Variants in WSB1 observed in about 807,000 individuals in gnomAD.
The protein encoded by WSB1 is WD repeat and SOCS box-containing protein 1.
In WSB1, 23 loss-of-function variants were observed where a neutral mutation model predicts 50.2. The observed-to-expected ratio is 0.46, with a 90% confidence interval of 0.33 to 0.65. The LOEUF is 0.65. WSB1 is among the 30% of genes least tolerant of loss of function. The pLI is 0.02. For missense variants in WSB1, 492 were observed against 522.3 expected (o/e 0.94, Z 0.56); for synonymous variants, 179 against 172.0 (o/e 1.04, Z -0.32).
rs2017750781 is a variant in WSB1 at position 27,313,068 on chromosome 17, A to G, written c.*699A>G. The G allele has an allele frequency of 6.6e-6, 1 of 152,450 alleles. No homozygotes were observed. The highest frequency in any genetic ancestry group is 1.5e-5 in the Non-Finnish European group (1 of 68,062). 9.4% of individuals were successfully genotyped at this position (152,450 alleles called of 1,614,324 possible). A position where few individuals can be genotyped will look rare whatever the true frequency, so the allele number is the denominator to read the frequency against. On this transcript the variant is annotated 3_prime_UTR_variant, in exon 9 of 9. Coordinates refer to ENST00000262394, the MANE Select transcript of WSB1 (RefSeq NM_015626.10). ...AAAAAAAAAAAAATTGTGTTGCCTC[A>G]TACGAAATGTATTTGGTTTTGTTGG...
rs1270679255 is a variant in WSB1 at position 27,294,213 on chromosome 17, G to T, written c.-183G>T. ...TGTCTGTGGTTGACTCCGTACTTTG[G>T]TCTGAGGCCTTCGGGAGCTTTCCCG... On this transcript the variant is annotated 5_prime_UTR_variant, in exon 1 of 9. Coordinates refer to ENST00000262394, the MANE Select transcript of WSB1 (RefSeq NM_015626.10). 9 of 690,524 alleles carry T rather than the reference G, an allele frequency of 1.3e-5. No homozygotes were observed. Among genetic ancestry groups the T allele is most frequent in the Non-Finnish European group, 2.2e-5 (9 of 416,174 alleles). The allele number at this position is 690,524 out of a possible 1,614,324, so 42.8% of individuals were successfully genotyped here.
rs1269763216 is a variant in WSB1 at position 27,314,426 on chromosome 17, A to C, written c.*2057A>C. ...CCCTGTCTCTACTAAAATTACAAAA[A>C]TTAGCTGGGCATGGTGGTGGGTTCC... On this transcript the variant is annotated 3_prime_UTR_variant, in exon 9 of 9. Coordinates refer to ENST00000262394, the MANE Select transcript of WSB1 (RefSeq NM_015626.10). The C allele has an allele frequency of 6.6e-6, 1 of 152,016 alleles. No homozygotes were observed. Among genetic ancestry groups the C allele is most frequent in the Non-Finnish European group, 1.5e-5 (1 of 68,022 alleles). 9.4% of individuals were successfully genotyped at this position (152,016 alleles called of 1,614,324 possible). A position where few individuals can be genotyped will look rare whatever the true frequency, so the allele number is the denominator to read the frequency against.
At chr17:27,307,605 G>T in intron 5 of WSB1, 2 of 801,274 alleles carry the variant, frequency 2.5e-6, no homozygotes, top group Non-Finnish European at 3.8e-6. Context: ...ATGTTAAAAT[G>T]ATAGTTATAA....
intron 1 of WSB1, among the ~76,000 whole-genome samples, chr17:27,300,662 A>C (rs2017187082): frequency 6.6e-6 from 1 of 151,704 alleles, no homozygotes; most frequent in Admixed American, 6.6e-5. Context: ...CCAGTATTTG[A>C]GAATCACAAA....
At chr17:27,303,229 A>G (rs1410067146) in intron 2 of WSB1, 138 bp from the exon 3 acceptor site, 9 of 957,720 alleles carry the variant, frequency 9.4e-6, no homozygotes, top group Middle Eastern at 2.4e-4. Flanking sequence ...TTCCCTTCCT[A>G]TCTATAGGAT....
chr17:27,301,260 GTGACCTGGGCC>G (rs1204845935), intron 1 of WSB1, among the ~76,000 whole-genome samples: 1 of 152,072 alleles, frequency 6.6e-6, no homozygotes, highest in Non-Finnish European at 1.5e-5. Context: ...TGTGATTTTT[GTGACCTGGGCC>G]TGAAAAGGGT....
At chr17:27,300,222 T>C (rs1022025090) in intron 1 of WSB1, among the ~76,000 whole-genome samples, 2 of 151,846 alleles carry the variant, frequency 1.3e-5, no homozygotes, top group Non-Finnish European at 2.9e-5. Flanking sequence ...GGGGTTCTTA[T>C]GTGAACAGCA....
rs2017476964 is a variant in WSB1 at position 27,306,762 on chromosome 17, G to A, written c.611-20G>A. 6.2e-7 allele frequency: 1 copy of A among 1,611,956 alleles called. No homozygotes were observed. The highest frequency in any genetic ancestry group is 1.6e-4 in the Middle Eastern group (1 of 6,084). Reference sequence around the variant, plus strand: ...TGAAGTGGATTCTAGGGTTAATACAGATTATTTCTTTTTGTTCAGGAAACA... The same window carrying A: ...TGAAGTGGATTCTAGGGTTAATACAAATTATTTCTTTTTGTTCAGGAAACA... On this transcript the variant is annotated intron_variant, in intron 4 of 8. Coordinates refer to ENST00000262394, the MANE Select transcript of WSB1 (RefSeq NM_015626.10).
rs142949229 is a variant in WSB1 at position 27,311,633 on chromosome 17, C to CT, written c.1106+43dup. 0.076 allele frequency: 37,246 copies of CT among 487,334 alleles called. 425 individuals carry two copies. The highest frequency in any genetic ancestry group is 0.11 in the African/African-American group (2,914 of 26,492). The allele number at this position is 487,334 out of a possible 1,614,324, so 30.2% of individuals were successfully genotyped here. A position where few individuals can be genotyped will look rare whatever the true frequency, so the allele number is the denominator to read the frequency against. On this transcript the variant is annotated intron_variant, in intron 8 of 8. Coordinates refer to ENST00000262394, the MANE Select transcript of WSB1 (RefSeq NM_015626.10). ...AGCTGCTGGGTAAATATATTTTTCT[C>CT]TTTTTTTTTTTTTTTTTTTTTTTTT...
At chr17:27,302,850 CCT>C (rs927952357) in intron 2 of WSB1, 2 of 152,536 alleles carry the variant, frequency 1.3e-5, no homozygotes, top group African/African-American at 4.8e-5. Context: ...TGGATCTTTC[CCT>C]GTTTTTTTTG....
intron 8 of WSB1, 143 bp from the exon 9 acceptor site, chr17:27,312,067 A>C: frequency 1.0e-6 from 1 of 975,130 alleles, no homozygotes; most frequent in East Asian, 2.5e-5. Context: ...GGAATACATC[A>C]TTGGTTAGTT....
Position 27,306,845 on chromosome 17 carries a change from ACT to A in WSB1, c.677_678del (p.Ser226PhefsTer10). ...GTGTACAGCTGTGCATTCTCTCCTG[ACT>A]CTTCTATGCTGTGTTCAGTCGGAGC... On this transcript the variant is annotated frameshift_variant, in exon 5 of 9. Transcript: ENST00000262394. LOFTEE classifies it high-confidence loss of function. The A allele has an allele frequency of 1.2e-6, 2 of 1,613,946 alleles. No homozygotes were observed. Among genetic ancestry groups the A allele is most frequent in the Non-Finnish European group, 1.7e-6 (2 of 1,180,004 alleles).
Position 27,313,569 on chromosome 17 carries a change from G to A in WSB1, c.*1200G>A, listed in dbSNP as rs1461919449. On this transcript the variant is annotated 3_prime_UTR_variant, in exon 9 of 9. Coordinates refer to ENST00000262394, the MANE Select transcript of WSB1 (RefSeq NM_015626.10). ...CAGATATTAAGAATGTATGCATTAT[G>A]TAAAATGCTCAATTATATATTTTTG... The A allele has an allele frequency of 6.6e-6, 1 of 151,922 alleles. No homozygotes were observed. The highest frequency in any genetic ancestry group is 2.4e-5 in the African/African-American group (1 of 41,208). The allele number at this position is 151,922 out of a possible 1,614,324, so 9.4% of individuals were successfully genotyped here.
At chr17:27,299,999 A>G (rs1266697841) in intron 1 of WSB1, among the ~76,000 whole-genome samples, 1 of 152,136 alleles carries the variant, frequency 6.6e-6, no homozygotes, top group African/African-American at 2.4e-5. Context: ...CCTATTTGTT[A>G]AGGTGTCAAG....
Position 27,311,530 on chromosome 17 carries a change from T to C in WSB1, c.1020T>C (p.Ile340=), listed in dbSNP as rs2017677388. 1 of 1,605,222 alleles carries C rather than the reference T, an allele frequency of 6.2e-7. No individual in the cohort carries two copies. The highest frequency in any genetic ancestry group is 8.5e-7 in the Non-Finnish European group (1 of 1,177,316). The change falls in exon 8 of 9, where the codon ATT becomes ATC. Residue 340 remains isoleucine, a synonymous_variant. Coordinates refer to ENST00000262394, the MANE Select transcript of WSB1 (RefSeq NM_015626.10). ...TCAGAATGGTGAGGTTCTGGAGAAT[T>C]GATGAGGATTATCCAGTGCAAGTTG... is the stretch of plus-strand genomic sequence containing the variant. ...ADDKMVRFWR[I]DEDYPVQVAP...
In WSB1 at chr17:27,314,998, A is replaced by C. The variant is rs941100252; in HGVS notation, c.*2629A>C. On this transcript the variant is annotated 3_prime_UTR_variant, in exon 9 of 9. Coordinates refer to ENST00000262394, the MANE Select transcript of WSB1 (RefSeq NM_015626.10). The stretch of plus-strand genomic sequence containing the variant: ...GCATTTTTGGAAGCTACATTCTGTG[A>C]GATGTTCACCTGTTTGCCACCTCTT... The C allele has an allele frequency of 1.3e-5, 2 of 152,198 alleles. No individual in the cohort carries two copies. The highest frequency in any genetic ancestry group is 1.3e-4 in the Admixed American group (2 of 15,270). The allele number at this position is 152,198 out of a possible 1,614,324, so 9.4% of individuals were successfully genotyped here. A position where few individuals can be genotyped will look rare whatever the true frequency, so the allele number is the denominator to read the frequency against.
At chr17:27,295,123 G>T (rs1220329767) in intron 1 of WSB1, among the ~76,000 whole-genome samples, 1 of 152,162 alleles carries the variant, frequency 6.6e-6, no homozygotes, top group African/African-American at 2.4e-5. Flanking sequence ...AGTGTTGAAG[G>T]TTGTGCGTCC....
At position 27,309,117 on chromosome 17, in the gene WSB1, G is replaced by A. The variant is rs1309698737; in HGVS notation, c.729G>A (p.Met243Ile). ...GASKAVFLWN[M>I]DKYTMIRKLE... ...TATTGCAGGTTTTCCTTTGGAATAT[G>A]GATAAATACACCATGATACGGAAAC... Residue 243 changes from methionine to isoleucine, a missense_variant, in exon 6 of 9, where the codon ATG becomes ATA. Physicochemically the swap from Met to Ile is conservative, Grantham distance 10 (BLOSUM62 1). Coordinates refer to ENST00000262394, the MANE Select transcript of WSB1 (RefSeq NM_015626.10). The A allele has an allele frequency of 1.9e-6, 3 of 1,605,998 alleles. No individual in the cohort carries two copies. In the African/African-American group the frequency reaches 4.0e-5, roughly 21 times the overall value.
intron 6 of WSB1, 148 bp downstream of exon 6, chr17:27,309,420 AAGCC>A (rs1459361903): frequency 1.3e-6 from 1 of 744,986 alleles, no homozygotes; most frequent in Non-Finnish European, 2.0e-6. Context: ...GACTAATGGA[AAGCC>A]TTCGATATAA....
Sources: gnomAD v4.1 joint callset for allele counts (sites outside exome capture counted in the v4.1 genomes callset) on GRCh38, gnomAD v4.1.1 for gene constraint, MANE v1.5 for transcripts, NCBI Gene and HGNC (gene_info 2026-07-23, HGNC 2026-07-21) for gene names.